SSH2: variants seen among roughly 807,000 people sequenced by gnomAD.
SSH2 encodes the protein slingshot protein phosphatase 2, also known as protein phosphatase Slingshot homolog 2.
SSH2 carries 37 observed loss-of-function variants against 135.2 expected under a neutral mutation model. That is an observed-to-expected ratio of 0.27 (90% CI 0.21 to 0.36). SSH2 has a LOEUF of 0.36. Among genes scored for constraint, SSH2 ranks in the 10% least tolerant of loss-of-function variants. SSH2 has a pLI of 1.00. For missense variants in SSH2, 1,408 were observed against 1,765.3 expected (o/e 0.80, Z 3.63); for synonymous variants, 628 against 646.2 (o/e 0.97, Z 0.43).
intron 3 of SSH2, among the ~76,000 whole-genome samples, chr17:29,769,193 C>A (rs1291113686): frequency 1.3e-5 from 2 of 152,160 alleles, no homozygotes; most frequent in South Asian, 2.1e-4. Context: ...TATTTCAAAT[C>A]CAGCCAGTTA....
intron 2 of SSH2, among the ~76,000 whole-genome samples, chr17:29,795,449 A>C (rs957068248): frequency 6.6e-6 from 1 of 152,326 alleles, no homozygotes; most frequent in Non-Finnish European, 1.5e-5. Flanking sequence ...GTCATAGTGT[A>C]TTACACTCTT....
intron 11 of SSH2, among the ~76,000 whole-genome samples, chr17:29,666,510 C>T (rs2037283152): frequency 6.6e-6 from 1 of 152,146 alleles, no homozygotes; most frequent in Non-Finnish European, 1.5e-5. Flanking sequence ...TGGCAAAACC[C>T]CGTCTCTACT....
intron 2 of SSH2, among the ~76,000 whole-genome samples, chr17:29,819,920 T>C (rs2042624184): frequency 6.6e-6 from 1 of 152,222 alleles, no homozygotes; most frequent in Admixed American, 6.5e-5. Flanking sequence ...AGTTCATAAA[T>C]ACTTCTTTCT....
At chr17:29,786,300 G>A (rs1422949476) in intron 3 of SSH2, among the ~76,000 whole-genome samples, 2 of 152,192 alleles carry the variant, frequency 1.3e-5, no homozygotes, top group African/African-American at 4.8e-5. Flanking sequence ...GCATACTGAG[G>A]TGGAGCTTCG....
intron 1 of SSH2, among the ~76,000 whole-genome samples, chr17:29,914,387 A>G (rs1468700106): frequency 6.6e-6 from 1 of 151,862 alleles, no homozygotes; most frequent in African/African-American, 2.4e-5. Flanking sequence ...CAGCGAGACC[A>G]TGTCTCTAAA....
At chr17:29,898,351 T>G (rs1599160721) in intron 1 of SSH2, among the ~76,000 whole-genome samples, 2 of 152,102 alleles carry the variant, frequency 1.3e-5, no homozygotes, top group East Asian at 1.9e-4. Flanking sequence ...GCTGGTTTTT[T>G]GAAAAGATCA....
At chr17:29,914,042 G>C (rs1474250925) in intron 1 of SSH2, among the ~76,000 whole-genome samples, 1 of 152,182 alleles carries the variant, frequency 6.6e-6, no homozygotes, top group Non-Finnish European at 1.5e-5. Flanking sequence ...CAGTAGCAAA[G>C]TAAGCTTGTA....
At chr17:29,782,655 C>T (rs1007433703) in intron 3 of SSH2, among the ~76,000 whole-genome samples, 2 of 152,046 alleles carry the variant, frequency 1.3e-5, no homozygotes, top group South Asian at 2.1e-4. Context: ...GTGCGATCTC[C>T]GCTCACTGCA....
Position 29,873,260 on chromosome 17 carries a change from C to T in SSH2, c.64-24331G>A, listed in dbSNP as rs184130019. On this transcript the variant is annotated intron_variant, in intron 1 of 15. Transcript: ENST00000540801. ...AAAAATCTTTAAGATGTACATCTAG[C>T]TCAAAAATCTCCAAAGAGGCCGGGC... Among the ~76,000 whole-genome samples the T allele has an allele frequency of 8.8e-3, 1,341 of 151,956 alleles. 8 individuals carry two copies. The highest frequency in any genetic ancestry group is 0.015 in the Non-Finnish European group (994 of 67,948).
intron 2 of SSH2, 145 bp downstream of exon 2, chr17:29,848,704 C>A (rs770493443): frequency 1.9e-6 from 1 of 538,376 alleles, no homozygotes; most frequent in Non-Finnish European, 3.3e-6. Context: ...TCTAAGCCAC[C>A]TATTTGCCTT....
intron 11 of SSH2, among the ~76,000 whole-genome samples, chr17:29,661,061 C>CAAAAAAAAAAAAAAAAAAAAAAAA (rs374216221): frequency 4.1e-5 from 2 of 48,360 alleles, no homozygotes; most frequent in African/African-American, 1.3e-4. Flanking sequence ...AATTCCATCT[C>CAAAAAAAAAAAAAAAAAAAAAAAA]AAAAAAAAAA....
At chr17:29,838,793 C>T (rs2042989535) in intron 2 of SSH2, 1 of 155,908 alleles carries the variant, frequency 6.4e-6, no homozygotes, top group African/African-American at 2.4e-5. Context: ...TAAAGCATCT[C>T]TTCACCTTGC....
chr17:29,775,419 A>G (rs894545945), intron 3 of SSH2, among the ~76,000 whole-genome samples: 5 of 151,012 alleles, frequency 3.3e-5, no homozygotes, highest in Admixed American at 2.7e-4. Flanking sequence ...CTCCCATATT[A>G]TGAACTTTTC....
chr17:29,675,360 G>A (rs754342312), intron 8 of SSH2, among the ~76,000 whole-genome samples: 1 of 151,744 alleles, frequency 6.6e-6, no homozygotes, highest in Admixed American at 6.6e-5. Flanking sequence ...TATCCATTCC[G>A]CTCCCCATGG....
intron 1 of SSH2, among the ~76,000 whole-genome samples, chr17:29,872,052 T>C (rs1206690352): frequency 6.6e-6 from 1 of 152,204 alleles, no homozygotes; most frequent in Non-Finnish European, 1.5e-5. Context: ...ATTGATTTTG[T>C]TAAATGGAAA....
intron 1 of SSH2, among the ~76,000 whole-genome samples, chr17:29,922,254 C>T (rs1209677771): frequency 2.0e-5 from 3 of 152,134 alleles, no homozygotes; most frequent in Non-Finnish European, 4.4e-5. Context: ...GTAAGCAAGG[C>T]TGGATCATTT....
At chr17:29,667,393 C>A (rs868444538) in intron 9 of SSH2, among the ~76,000 whole-genome samples, 170 bp from the exon 10 acceptor site, 3 of 152,146 alleles carry the variant, frequency 2.0e-5, no homozygotes, top group Non-Finnish European at 2.9e-5. Flanking sequence ...GAGTACCGGT[C>A]AGTGGCCTGT....
At position 29,632,686 on chromosome 17, in the gene SSH2, G is replaced by A. The variant is rs778040457; in HGVS notation, c.2508C>T (p.Ser836=). 1 of 1,614,034 alleles carries A rather than the reference G, an allele frequency of 6.2e-7. No individual in the cohort carries two copies. The highest frequency in any genetic ancestry group is 8.5e-7 in the Non-Finnish European group (1 of 1,180,048). ...KPGHMEQDED[S]CTAQPELAKD... ...TGGCTAGTTCAGGCTGGGCTGTGCAGGAGTCCTCATCTTGCTCCATATGTC... is the reference window on the plus strand; with the variant it reads ...TGGCTAGTTCAGGCTGGGCTGTGCAAGAGTCCTCATCTTGCTCCATATGTC... The change falls in exon 16 of 16, where the codon TCC becomes TCT. Residue 836 remains serine (S), a synonymous_variant. Transcript: ENST00000540801.
intron 1 of SSH2, among the ~76,000 whole-genome samples, chr17:29,929,694 A>G (rs1376273783): frequency 6.6e-6 from 1 of 152,130 alleles, no homozygotes; most frequent in African/African-American, 2.4e-5. Context: ...GAGGCATGCC[A>G]CAGGGGATTT....
Sources: gnomAD v4.1 joint callset for allele counts (sites outside exome capture counted in the v4.1 genomes callset) on GRCh38, gnomAD v4.1.1 for gene constraint, MANE v1.5 for transcripts, NCBI Gene and HGNC (gene_info 2026-07-23, HGNC 2026-07-21) for gene names.